Variants in GLB1 observed in about 807,000 individuals in gnomAD.
GLB1 encodes the protein galactosidase beta 1, also known as beta-galactosidase.
A neutral mutation model predicts 74.0 loss-of-function variants in GLB1; 56 were observed. That is an observed-to-expected ratio of 0.76 (90% CI 0.61 to 0.94). The LOEUF is 0.94. Ranked by LOEUF, GLB1 falls within the 40% of genes least tolerant of loss-of-function variation. The pLI is 0.00. For missense variants in GLB1, 787 were observed against 845.5 expected (o/e 0.93, Z 0.86); for synonymous variants, 323 against 323.6 (o/e 1.00, Z 0.02).
chr3:33,079,173 T>C (rs1700234811), intron 1 of GLB1, among the ~76,000 whole-genome samples: 1 of 152,126 alleles, frequency 6.6e-6, no homozygotes, highest in Non-Finnish European at 1.5e-5. Flanking sequence ...TAGTTAACTC[T>C]GGGAGAGTAG....
rs1700847310 is a variant in GLB1 at position 33,093,241 on chromosome 3, T to TGCC, written c.75+3767_75+3769dup. 3.1e-6 allele frequency: 5 copies of TGCC among 1,613,946 alleles called. No individual in the cohort carries two copies. The highest frequency in any genetic ancestry group is 1.3e-5 in the African/African-American group (1 of 74,894). On this transcript the variant is annotated intron_variant, in intron 1 of 15. Coordinates refer to ENST00000307363, the MANE Select transcript of GLB1 (RefSeq NM_000404.4). This position sits in a 1 kb window ranked among gnomAD's most constrained non-coding sequence, Gnocchi z 6.0. ...TCCTCATCCTCACTCCCACTGCCAC[T>TGCC]GCCACCACCACCACGTTGGGCCCGT...
chr3:32,964,912 A>T, the GLB1 span, among the ~76,000 whole-genome samples: 2 of 152,190 alleles, frequency 1.3e-5, no homozygotes, highest in South Asian at 4.1e-4. Flanking sequence ...ATAGTGAATA[A>T]GTCTCATGAG....
rs185710695 is a variant in GLB1, at chr3:33,000,081, G to A, written c.1735-2737C>T. Among the ~76,000 whole-genome samples, 279 of 151,034 alleles carry A rather than the reference G, an allele frequency of 1.8e-3. 2 individuals are homozygous for A. The highest frequency in any genetic ancestry group is 1.1e-3 in the African/African-American group (45 of 41,092). On this transcript the variant is annotated intron_variant, in intron 15 of 15. Transcript: ENST00000307363. Reference sequence around the variant, plus strand: ...TAGCCTCCCACATAGCTGGGACTACGGGCATGCCCCACCATGCCTGGCTAA... The same window carrying A: ...TAGCCTCCCACATAGCTGGGACTACAGGCATGCCCCACCATGCCTGGCTAA...
intron 1 of GLB1, among the ~76,000 whole-genome samples, chr3:33,076,124 T>C (rs1700093851): frequency 6.6e-6 from 1 of 151,864 alleles, no homozygotes; most frequent in Non-Finnish European, 1.5e-5. Context: ...ACCCAGACAT[T>C]GGAATTTCTT....
chr3:33,079,870 C>T (rs1700262403), intron 1 of GLB1, among the ~76,000 whole-genome samples: 1 of 152,138 alleles, frequency 6.6e-6, no homozygotes, highest in African/African-American at 2.4e-5. Flanking sequence ...CAGCCTTGAC[C>T]TCCTGGGCTC....
the GLB1 span, among the ~76,000 whole-genome samples, chr3:32,970,972 G>A: frequency 2.6e-5 from 4 of 152,184 alleles, no homozygotes; most frequent in African/African-American, 9.7e-5. Flanking sequence ...TGCCTGCCAT[G>A]CCATGTATGT....
In GLB1 at chr3:33,014,111, C is replaced by A. The variant is rs773227239; in HGVS notation, c.1679G>T (p.Ser560Ile). 1 of 1,614,188 alleles carries A rather than the reference C, an allele frequency of 6.2e-7. No homozygotes were observed. Among genetic ancestry groups the A allele is most frequent in the Admixed American group, 1.7e-5 (1 of 60,026 alleles). ...GTCCTGGGGCAAGTCTGGGATCCCA[C>A]TGGGAATGGAGAAGTTCCCCATATA... The part of the protein sequence containing the change: ...AFYMGNFSIP[S>I]GIPDLPQDTF... The change falls in exon 15 of 16, where the codon AGT (serine) becomes ATT (isoleucine). Residue 560 changes from serine to isoleucine, a missense_variant. Physicochemically the swap from Ser to Ile is moderately radical, Grantham distance 142 (BLOSUM62 -2). Transcript: ENST00000307363.
chr3:33,029,385 T>C (rs980430533), intron 10 of GLB1, among the ~76,000 whole-genome samples: 14 of 152,212 alleles, frequency 9.2e-5, no homozygotes, highest in Non-Finnish European at 1.8e-4. Context: ...AATGTTTTCA[T>C]ACATTCATCC....
At position 33,053,932 on chromosome 3, in the gene GLB1, G is replaced by C. The variant is rs1335778748; in HGVS notation, c.734-383C>G. On this transcript the variant is annotated intron_variant, in intron 6 of 15. Transcript: ENST00000307363. ...GGAGGCTGAGGCAGGAGAATTGCTT[G>C]AACCCGGGAGGTGGAGGTTGCAGTG... Among the ~76,000 whole-genome samples the C allele has an allele frequency of 2.0e-5, 3 of 152,140 alleles. No homozygotes were observed. The East Asian group carries it at 5.8e-4, about 29-fold the overall frequency.
At position 33,072,837 on chromosome 3, in the gene GLB1, C is replaced by T. The variant is rs1043602754; in HGVS notation, c.76-124G>A. On this transcript the variant is annotated intron_variant, in intron 1 of 15. Coordinates refer to ENST00000307363, the MANE Select transcript of GLB1 (RefSeq NM_000404.4). The stretch of plus-strand genomic sequence containing the variant: ...GTATAATGTGCTGATGGACTTAATG[C>T]TTGTTTTCTGAGCTATCATACAAAC... The T allele has an allele frequency of 1.0e-5, 15 of 1,459,446 alleles. No individual in the cohort carries two copies. The African/African-American group carries it at 1.1e-4, about 11-fold the overall frequency. 90.4% of individuals were successfully genotyped at this position (1,459,446 alleles called of 1,614,324 possible). A position where few individuals can be genotyped will look rare whatever the true frequency, so the allele number is the denominator to read the frequency against.
chr3:33,073,445 T>C (rs2125555023), intron 1 of GLB1, among the ~76,000 whole-genome samples: 1 of 152,316 alleles, frequency 6.6e-6, no homozygotes, highest in South Asian at 2.1e-4. Flanking sequence ...CCCAGAACTT[T>C]GGGAGGCCAA....
At chr3:33,004,155 C>T (rs1478927152) in intron 15 of GLB1, among the ~76,000 whole-genome samples, 6 of 152,176 alleles carry the variant, frequency 3.9e-5, no homozygotes, top group Non-Finnish European at 5.9e-5. Flanking sequence ...AGGAGCCTTG[C>T]GCATTTGCAT....
At chr3:32,998,629 CAA>C (rs1441940570) in intron 15 of GLB1, among the ~76,000 whole-genome samples, 2 of 151,370 alleles carry the variant, frequency 1.3e-5, no homozygotes, top group Non-Finnish European at 2.9e-5. Context: ...CACATACACG[CAA>C]AAGAAAGAGA....
At chr3:33,078,489 T>G (rs865802978) in intron 1 of GLB1, among the ~76,000 whole-genome samples, 1 of 152,214 alleles carries the variant, frequency 6.6e-6, no homozygotes, top group African/African-American at 2.4e-5. Flanking sequence ...CAGTCTCATC[T>G]AGAAAGTAGT....
chr3:32,993,596 G>A (rs190363985), downstream of GLB1, among the ~76,000 whole-genome samples: 15 of 141,370 alleles, frequency 1.1e-4, no homozygotes, highest in East Asian at 4.4e-4. Flanking sequence ...GTACAGTGGC[G>A]CAATCTCGGC....
At chr3:33,074,928 T>G (rs1039545887) in intron 1 of GLB1, among the ~76,000 whole-genome samples, 2 of 152,124 alleles carry the variant, frequency 1.3e-5, no homozygotes, top group South Asian at 4.1e-4. Context: ...AGAGAAGAAT[T>G]CATAGGGGCA....
In GLB1 at chr3:33,060,567, A is replaced by C. The variant is rs142656928; in HGVS notation, c.553-2298T>G. Among the ~76,000 whole-genome samples, 39 of 152,172 alleles carry C rather than the reference A, an allele frequency of 2.6e-4. No individual in the cohort carries two copies. In the East Asian group the frequency reaches 3.5e-3, roughly 14 times the overall value. ...AGCCTCTGTACCTCATGTTCTCTTG[A>C]GCTCACCCCCATGCCCAAACCCAAC... On this transcript the variant is annotated intron_variant, in intron 5 of 15. Coordinates refer to ENST00000307363, the MANE Select transcript of GLB1 (RefSeq NM_000404.4).
At chr3:32,980,391 G>T in the GLB1 span, among the ~76,000 whole-genome samples, 2 of 152,214 alleles carry the variant, frequency 1.3e-5, no homozygotes, top group Non-Finnish European at 2.9e-5. Flanking sequence ...TTAAATTTCA[G>T]ACTTTCGTCT....
In GLB1 at chr3:33,093,473, C is replaced by A. The variant is rs756813707; in HGVS notation, c.75+3538G>T. On this transcript the variant is annotated intron_variant, in intron 1 of 15. Transcript: ENST00000307363. The surrounding 1 kb of genome is among the most constrained non-coding windows in gnomAD (Gnocchi z 6.0). ...AGTCGGAGAGGTCACCCACAATCAC[C>A]GTGATGTCTGGTTCCAGCACATTCA... The A allele has an allele frequency of 2.5e-6, 4 of 1,614,158 alleles. No individual in the cohort carries two copies. Among genetic ancestry groups the A allele is most frequent in the Non-Finnish European group, 3.4e-6 (4 of 1,180,028 alleles).
Sources: allele counts gnomAD v4.1 joint callset (sites outside exome capture counted in the v4.1 genomes callset), GRCh38; gene constraint gnomAD v4.1.1; non-coding constraint Gnocchi (gnomAD v3.1); transcripts MANE v1.5; gene names NCBI Gene and HGNC (gene_info 2026-07-23, HGNC 2026-07-21).